PFKP: variants seen among roughly 807,000 people sequenced by gnomAD.
PFKP encodes phosphofructokinase, platelet, also known as ATP-dependent 6-phosphofructokinase, platelet type.
Under a neutral mutation model 94.3 loss-of-function variants are expected in PFKP, and 101 were observed. The observed-to-expected ratio is 1.07, with a 90% CI of 0.91 to 1.26. The LOEUF is 1.26. Ranked by LOEUF, PFKP falls within the 50% of genes most tolerant of loss-of-function variation. The pLI, the probability that PFKP is intolerant of heterozygous loss-of-function variation, is 0.00. For missense variants in PFKP, 1,145 were observed against 1,103.3 expected (o/e 1.04, Z -0.53); for synonymous variants, 573 against 432.6 (o/e 1.32, Z -4.03).
chr10:3,115,459 GTGTGTCCCGCC>G (rs1181136328), intron 13 of PFKP, among the ~76,000 whole-genome samples: 2 of 39,314 alleles, frequency 5.1e-5, no homozygotes, highest in East Asian at 1.9e-3. Context: ...GGGTGAAGGT[GTGTGTCCCGCC>G]ATGGAGGACA....
At chr10:3,119,762 G>GTGGTCGCCGTATCATTAAAAAATTGCT in intron 15 of PFKP, 130 bp from the exon 16 acceptor site, 1 of 664,014 alleles carries the variant, frequency 1.5e-6, no homozygotes, top group Non-Finnish European at 2.6e-6. Context: ...GTTGATCTCG[G>GTGGTCGCCGTATCATTAAAAAATTGCT]AGTGTTTTCG....
In PFKP at chr10:3,134,522, AAAATCTCTGCCAGAGCTATG is replaced by A. The variant is rs752160913; in HGVS notation, c.2063_2082del (p.Lys688ArgfsTer21). On this transcript the variant is annotated frameshift_variant, in exon 20 of 22. Coordinates refer to ENST00000381125, the MANE Select transcript of PFKP (RefSeq NM_002627.5). LOFTEE classifies it high-confidence loss of function. The stretch of plus-strand genomic sequence containing the variant: ...TCCATTTGATAGAAACTTTGGAACC[AAAATCTCTGCCAGAGCTATG>A]GAGTGGATCACTGCAAAACTCAAGG... 2 of 1,613,826 alleles carry A rather than the reference AAAATCTCTGCCAGAGCTATG, an allele frequency of 1.2e-6. No homozygotes were observed. Among genetic ancestry groups the A allele is most frequent in the East Asian group, 4.5e-5 (2 of 44,892 alleles).
At chr10:3,115,886 G>GA (rs2131619655) in intron 13 of PFKP, among the ~76,000 whole-genome samples, 1 of 152,188 alleles carries the variant, frequency 6.6e-6, no homozygotes, top group African/African-American at 2.4e-5. Context: ...GCATCCCTGG[G>GA]AACACAGATG....
rs749743485 is a variant in PFKP at position 3,101,407 on chromosome 10, A to T, written c.307A>T (p.Thr103Ser). The T allele has an allele frequency of 3.7e-6, 6 of 1,603,560 alleles. No homozygotes were observed. The highest frequency in any genetic ancestry group is 5.1e-6 in the Non-Finnish European group (6 of 1,175,664). Residue 103 changes from threonine to serine, a missense_variant, in exon 4 of 22, where the codon ACG (threonine) becomes TCG (serine). By Grantham distance (58) the Thr-to-Ser change is moderately conservative. Transcript: ENST00000381125. Reference sequence around the variant, plus strand: ...CAGTGCGCGGTGCCAGGCCTTCCGCACGCGGGAAGGCCGCCTGAAGGCTGC... The same window carrying T: ...CAGTGCGCGGTGCCAGGCCTTCCGCTCGCGGGAAGGCCGCCTGAAGGCTGC... ...IGSARCQAFR[T>S]REGRLKAACN...
At chr10:3,136,205 C>T (rs1299577176) in intron 21 of PFKP, among the ~76,000 whole-genome samples, 1 of 152,162 alleles carries the variant, frequency 6.6e-6, no homozygotes, top group Non-Finnish European at 1.5e-5. Flanking sequence ...GCAGAGGTTG[C>T]AGTGAGCTGA....
intron 2 of PFKP, among the ~76,000 whole-genome samples, chr10:3,089,287 G>C (rs910636294): frequency 1.3e-5 from 2 of 152,214 alleles, no homozygotes; most frequent in African/African-American, 4.8e-5. Context: ...TGCCACAAAT[G>C]ATGGGGTTTT....
intron 16 of PFKP, chr10:3,129,531 C>A: frequency 2.4e-6 from 1 of 415,812 alleles, no homozygotes; most frequent in South Asian, 3.2e-5. Context: ...CTTTTCCGTC[C>A]CCTTCTATGG....
chr10:3,084,147 G>A (rs1833300728), intron 2 of PFKP, among the ~76,000 whole-genome samples: 1 of 152,174 alleles, frequency 6.6e-6, no homozygotes, highest in Non-Finnish European at 1.5e-5. Flanking sequence ...CCTAATATCA[G>A]GCACCGACTG....
chr10:3,084,327 C>T (rs950270562), intron 2 of PFKP, among the ~76,000 whole-genome samples: 2 of 152,072 alleles, frequency 1.3e-5, no homozygotes, highest in Non-Finnish European at 2.9e-5. Flanking sequence ...GCAGGTTTCC[C>T]CTGTCTGCTT....
At chr10:3,083,531 AACAC>A (rs141850600) in intron 2 of PFKP, among the ~76,000 whole-genome samples, 1,666 of 152,358 alleles carry the variant, frequency 0.011, 37 homozygotes, top group African/African-American at 0.037. Flanking sequence ...ACCGGAAAGA[AACAC>A]ACACATTAGG....
chr10:3,076,927 C>T (rs1291246475), intron 1 of PFKP, among the ~76,000 whole-genome samples: 1 of 152,160 alleles, frequency 6.6e-6, no homozygotes, highest in Admixed American at 6.5e-5. Flanking sequence ...CTGCCTTTGG[C>T]ATCCCACCTC....
intron 1 of PFKP, among the ~76,000 whole-genome samples, chr10:3,076,673 G>T (rs1052960334): frequency 3.3e-5 from 5 of 152,236 alleles, no homozygotes; most frequent in African/African-American, 1.2e-4. Context: ...CTCTTCCAGG[G>T]CCAGAGGCTT....
chr10:3,130,165 T>C (rs4391741), intron 17 of PFKP, among the ~76,000 whole-genome samples, 182 bp downstream of exon 17: 59,613 of 152,118 alleles, frequency 0.39, 11,843 homozygotes, highest in African/African-American at 0.45. Context: ...CAGGTGACGG[T>C]GGGTGTGCCT....
At position 3,099,320 on chromosome 10, in the gene PFKP, G is replaced by T. The variant is rs377475646; in HGVS notation, c.232G>T (p.Asp78Tyr). The T allele has an allele frequency of 3.1e-6, 5 of 1,614,008 alleles. No individual in the cohort carries two copies. In the African/African-American group the frequency reaches 5.3e-5, roughly 17 times the overall value. Residue 78 changes from aspartate (D) to tyrosine (Y), a missense_variant, in exon 3 of 22, where the codon GAC becomes TAC. By Grantham distance (160) the Asp-to-Tyr change is radical (BLOSUM62 -3). Transcript: ENST00000381125. The part of the protein sequence containing the change: ...VDGGSNIAEA[D>Y]WESVSSILQV... ...CGGAGGCTCAAACATCGCAGAGGCC[G>T]ACTGGGAGAGTGTCTCCAGCATCCT... is the stretch of plus-strand genomic sequence containing the variant.
At chr10:3,119,276 T>C (rs1837146844) in intron 15 of PFKP, among the ~76,000 whole-genome samples, 1 of 152,194 alleles carries the variant, frequency 6.6e-6, no homozygotes, top group Non-Finnish European at 1.5e-5. Context: ...TTCATGAAGA[T>C]TAGTCCCATG....
intron 21 of PFKP, 96 bp from the exon 22 acceptor site, chr10:3,136,346 ACAAACCCT>A: frequency 8.2e-7 from 1 of 1,215,118 alleles, no homozygotes; most frequent in Non-Finnish European, 1.2e-6. Context: ...AGCCGACCCT[ACAAACCCT>A]GTGTTTCTGG....
At chr10:3,129,550 A>C (rs1838318230) in intron 16 of PFKP, 1 of 452,612 alleles carries the variant, frequency 2.2e-6, no homozygotes, top group Admixed American at 4.0e-5. Context: ...GGGGCCTGGG[A>C]GAAGGGAGCG....
intron 11 of PFKP, among the ~76,000 whole-genome samples, chr10:3,112,857 C>T (rs955439836): frequency 3.3e-5 from 5 of 152,212 alleles, no homozygotes; most frequent in East Asian, 3.9e-4. Flanking sequence ...CTTGAGCCAC[C>T]GCACGCATGT....
chr10:3,121,320 T>G (rs9423684), intron 16 of PFKP, among the ~76,000 whole-genome samples: 127,746 of 152,160 alleles, frequency 0.84, 53,694 homozygotes, highest in East Asian at 0.88. Flanking sequence ...GCTCTGGACC[T>G]ACCTTCGCAC....
Sources: allele counts gnomAD v4.1 joint callset (sites outside exome capture counted in the v4.1 genomes callset), GRCh38; gene constraint gnomAD v4.1.1; transcripts MANE v1.5; gene names NCBI Gene and HGNC (gene_info 2026-07-23, HGNC 2026-07-21).